The following OPA1 variants were observed in gnomAD, a reference collection of about 807,000 sequenced individuals.
OPA1 encodes the protein OPA1 mitochondrial dynamin like GTPase, also known as dynamin-like GTPase OPA1, mitochondrial.
Under a neutral mutation model 152.9 loss-of-function variants are expected in OPA1, and 59 were observed. The observed-to-expected ratio is 0.39, with a 90% CI of 0.31 to 0.48. The LOEUF (loss-of-function observed/expected upper bound fraction) is 0.48. Among genes scored for constraint, OPA1 ranks in the 20% least tolerant of loss-of-function variants. OPA1 has a pLI of 0.96. For missense variants in OPA1, 1,008 were observed against 1,216.8 expected, an observed-to-expected ratio of 0.83 and a Z score of 2.55; for synonymous variants, 400 against 389.9, an observed-to-expected ratio of 1.03 and a Z score of -0.31.
intron 29 of OPA1, among the ~76,000 whole-genome samples, chr3:193,669,611 G>A (rs950885554): frequency 6.6e-6 from 1 of 152,174 alleles, no homozygotes; most frequent in African/African-American, 2.4e-5. Flanking sequence ...TACCGTTACA[G>A]GAAGTGGTAT....
rs1422162825 is a variant in OPA1 at position 193,643,519 on chromosome 3, T to A, written c.1378-9T>A. On this transcript the variant is annotated splice_polypyrimidine_tract_variant and intron_variant, in intron 14 of 30. Coordinates refer to ENST00000361510, the MANE Select transcript of OPA1 (RefSeq NM_130837.3). Reference sequence around the variant, plus strand: ...ATTTATAATGACATTTAAAACCTTTTTCTTTAAGACTGTGACATCAGGCAT... The same window carrying A: ...ATTTATAATGACATTTAAAACCTTTATCTTTAAGACTGTGACATCAGGCAT... 6.2e-7 allele frequency: 1 copy of A among 1,613,366 alleles called. No homozygotes were observed. The highest frequency in any genetic ancestry group is 8.5e-7 in the Non-Finnish European group (1 of 1,179,406).
At chr3:193,661,681 A>G (rs1715308959) in intron 25 of OPA1, among the ~76,000 whole-genome samples, 1 of 152,230 alleles carries the variant, frequency 6.6e-6, no homozygotes, top group African/African-American at 2.4e-5. Flanking sequence ...TGTTTAAGCC[A>G]AACTAATGGA....
At chr3:193,692,384 A>C (rs889954176) in intron 30 of OPA1, among the ~76,000 whole-genome samples, 2 of 152,242 alleles carry the variant, frequency 1.3e-5, no homozygotes, top group Non-Finnish European at 2.9e-5. Flanking sequence ...ACACAGAGCT[A>C]AGATATTGTA....
chr3:193,672,950 A>G (rs1455370614), intron 29 of OPA1, among the ~76,000 whole-genome samples: 2 of 152,176 alleles, frequency 1.3e-5, no homozygotes, highest in South Asian at 2.1e-4. Context: ...GATTTTGTGT[A>G]AAAACTTGAA....
chr3:193,611,695 A>G (rs1728275460), intron 1 of OPA1, among the ~76,000 whole-genome samples: 1 of 151,858 alleles, frequency 6.6e-6, no homozygotes. Flanking sequence ...TTAAACTGCT[A>G]AGTTCAGGAT....
At chr3:193,667,900 C>T (rs1277806912) in intron 29 of OPA1, among the ~76,000 whole-genome samples, 1 of 152,088 alleles carries the variant, frequency 6.6e-6, no homozygotes, top group Non-Finnish European at 1.5e-5. Context: ...ACAAGATGTT[C>T]CAGGCTCAAT....
At chr3:193,604,059 G>A (rs1461502626) in intron 1 of OPA1, among the ~76,000 whole-genome samples, 5 of 152,214 alleles carry the variant, frequency 3.3e-5, no homozygotes, top group Non-Finnish European at 7.3e-5. Context: ...TCCACAGCGT[G>A]TGGGACTTGC....
chr3:193,647,942 G>A (rs1734950716), intron 19 of OPA1, 128 bp from the exon 20 acceptor site: 2 of 716,602 alleles, frequency 2.8e-6, no homozygotes, highest in African/African-American at 3.5e-5. Context: ...AGATCCCAGA[G>A]TACTAAGGGG....
intron 29 of OPA1, among the ~76,000 whole-genome samples, chr3:193,671,517 T>A (rs1400810327): frequency 6.6e-6 from 1 of 152,162 alleles, no homozygotes; most frequent in Non-Finnish European, 1.5e-5. Flanking sequence ...CTAAGGACAT[T>A]AATGGGCCAG....
At chr3:193,663,432 C>T (rs999404630) in intron 26 of OPA1, among the ~76,000 whole-genome samples, 6 of 152,004 alleles carry the variant, frequency 3.9e-5, no homozygotes, top group Admixed American at 3.3e-4. Flanking sequence ...GTTCTTTCTC[C>T]ATTGTCCTCT....
At chr3:193,626,012 T>A in intron 6 of OPA1, 80 bp from the exon 7 acceptor site, 3 of 1,032,442 alleles carry the variant, frequency 2.9e-6, no homozygotes, top group South Asian at 1.3e-5. Flanking sequence ...CTAGCTTACA[T>A]CTGTTCCTTT....
intron 29 of OPA1, among the ~76,000 whole-genome samples, chr3:193,681,887 C>T (rs1720196849): frequency 6.6e-6 from 1 of 152,174 alleles, no homozygotes; most frequent in South Asian, 2.1e-4. Flanking sequence ...TTCAGGCCTC[C>T]CTATTCCATA....
chr3:193,659,944 G>A (rs1165457641), intron 25 of OPA1, among the ~76,000 whole-genome samples: 2 of 151,896 alleles, frequency 1.3e-5, no homozygotes, highest in Non-Finnish European at 2.9e-5. Flanking sequence ...TAAGGAGTTC[G>A]AGACCAGCCT....
chr3:193,635,836 T>C (rs1465596014), intron 9 of OPA1, among the ~76,000 whole-genome samples: 1 of 152,208 alleles, frequency 6.6e-6, no homozygotes. Context: ...AAAATCAGAA[T>C]TGTTAATTGA....
rs1487489879 is a variant in OPA1, at chr3:193,614,807, C to G, written c.117C>G (p.Ser39Arg). 1 of 1,606,122 alleles carries G rather than the reference C, an allele frequency of 6.2e-7. No individual in the cohort carries two copies. Among genetic ancestry groups the G allele is most frequent in the South Asian group, 1.1e-5 (1 of 91,076 alleles). Residue 39 changes from serine to arginine, a missense_variant, in exon 2 of 31, where the codon AGC becomes AGG. By Grantham distance (110) the Ser-to-Arg change is moderately radical. Transcript: ENST00000361510. ...AAAAACTACATCTGGTTTCACGAAGCATTTATCATTCACATCATCCTACCT... is the reference window on the plus strand; with the variant it reads ...AAAAACTACATCTGGTTTCACGAAGGATTTATCATTCACATCATCCTACCT... ...PLQKLHLVSR[S>R]IYHSHHPTLK...
intron 6 of OPA1, among the ~76,000 whole-genome samples, chr3:193,620,424 A>G (rs552657380): frequency 6.6e-6 from 1 of 152,314 alleles, no homozygotes; most frequent in Non-Finnish European, 1.5e-5. Context: ...AAGCCAGATA[A>G]TTATTTTTGG....
intron 16 of OPA1, 147 bp from the exon 17 acceptor site, chr3:193,645,406 C>G (rs1734412540): frequency 1.6e-6 from 1 of 607,426 alleles, no homozygotes; most frequent in African/African-American, 1.9e-5. Flanking sequence ...TTTCAAATAG[C>G]AATGGAAAAA....
At chr3:193,682,433 A>G (rs942111069) in intron 29 of OPA1, among the ~76,000 whole-genome samples, 1 of 152,202 alleles carries the variant, frequency 6.6e-6, no homozygotes, top group Non-Finnish European at 1.5e-5. Flanking sequence ...TGATTATACT[A>G]AACAACAGAT....
chr3:193,597,586 G>A (rs954385545), intron 1 of OPA1, among the ~76,000 whole-genome samples: 5 of 151,646 alleles, frequency 3.3e-5, no homozygotes, highest in Non-Finnish European at 7.4e-5. Context: ...AGCTACTCAG[G>A]AGGCTGAGGC....
Sources: allele counts gnomAD v4.1 joint callset (sites outside exome capture counted in the v4.1 genomes callset), GRCh38; gene constraint gnomAD v4.1.1; transcripts MANE v1.5; gene names NCBI Gene and HGNC (gene_info 2026-07-23, HGNC 2026-07-21).